Variants in CALB1 observed in about 807,000 individuals in gnomAD.
The protein encoded by CALB1 is calbindin 1, also known as calbindin.
In CALB1, 16 loss-of-function variants were observed where a neutral mutation model predicts 46.7. That is an observed-to-expected ratio of 0.34 (90% CI 0.23 to 0.52). The LOEUF is 0.52. Among genes scored for constraint, CALB1 ranks in the 20% least tolerant of loss-of-function variants. The pLI is 0.95. For synonymous variants in CALB1, 90 were observed against 112.8 expected, an observed-to-expected ratio of 0.80 and a Z score of 1.28; for missense variants, 224 against 300.3, an observed-to-expected ratio of 0.75 and a Z score of 1.88.
chr8:90,077,940 A>G (rs1563683471), intron 3 of CALB1, among the ~76,000 whole-genome samples: 1 of 152,090 alleles, frequency 6.6e-6, no homozygotes, highest in Non-Finnish European at 1.5e-5. Flanking sequence ...CAAACATTTT[A>G]TTTTATATTT....
intron 5 of CALB1, among the ~76,000 whole-genome samples, chr8:90,066,633 A>C (rs567601591): frequency 1.6e-4 from 24 of 152,172 alleles, no homozygotes; most frequent in African/African-American, 5.5e-4. Flanking sequence ...AATCATATTA[A>C]AATAGAGATT....
intron 10 of CALB1, 63 bp downstream of exon 10, chr8:90,060,566 G>T: frequency 1.6e-6 from 2 of 1,251,968 alleles, no homozygotes; most frequent in Non-Finnish European, 1.2e-6. Flanking sequence ...TGGATGTGCT[G>T]TTGGTTTTGG....
In CALB1 at chr8:90,060,620, C is replaced by T. The variant is rs1324424729; in HGVS notation, c.672+9G>A. The T allele has an allele frequency of 6.2e-7, 1 of 1,610,108 alleles. No individual in the cohort carries two copies. Among genetic ancestry groups the T allele is most frequent in the African/African-American group, 1.3e-5 (1 of 74,846 alleles). ...CTTAAAGAAGTAAGTGCCATGGTAA[C>T]TAAGTTACCTGTTTATTCTTCTCGC... On this transcript the variant is annotated intron_variant, in intron 10 of 10. Coordinates refer to ENST00000265431, the MANE Select transcript of CALB1 (RefSeq NM_004929.4).
intron 8 of CALB1, 43 bp from the exon 9 acceptor site, chr8:90,063,196 T>C: frequency 6.6e-7 from 1 of 1,512,682 alleles, no homozygotes; most frequent in South Asian, 1.1e-5. Flanking sequence ...GTTATTACTA[T>C]GTTTCAGTAT....
intron 3 of CALB1, among the ~76,000 whole-genome samples, chr8:90,073,366 A>C (rs1814567598): frequency 6.6e-6 from 1 of 152,042 alleles, no homozygotes; most frequent in African/African-American, 2.4e-5. Context: ...GTCCCCAAGG[A>C]GGTGGCATCC....
In CALB1 at chr8:90,063,289, T is replaced by C. The variant is rs1289268385; in HGVS notation, c.538A>G (p.Lys180Glu). 2 of 1,594,028 alleles carry C rather than the reference T, an allele frequency of 1.3e-6. No individual in the cohort carries two copies. Among genetic ancestry groups the C allele is most frequent in the African/African-American group, 2.7e-5 (2 of 74,390 alleles). ...LLPVQENFLL[K>E]FQGIKMCGKE... is the part of the protein sequence containing the mutation. ...AGTAAAAAGTTAAGTACCTGGAATTTAAGAAGAAAATTCTCCTGCACTGGT... is the reference window on the plus strand; with the variant it reads ...AGTAAAAAGTTAAGTACCTGGAATTCAAGAAGAAAATTCTCCTGCACTGGT... Residue 180 changes from lysine (K) to glutamate (E), a missense_variant, in exon 8 of 11, where the codon AAA (lysine) becomes GAA (glutamate). Lys to Glu is a moderately conservative substitution (Grantham distance 56). Coordinates refer to ENST00000265431, the MANE Select transcript of CALB1 (RefSeq NM_004929.4).
At chr8:90,062,122 A>G (rs1814312232) in intron 9 of CALB1, 1 of 152,118 alleles carries the variant, frequency 6.6e-6, no homozygotes, top group Non-Finnish European at 1.5e-5. Context: ...GTGTTAGGTA[A>G]ACTATACAGA....
chr8:90,081,464 CACA>C lies in CALB1; in HGVS notation c.156+559_156+561del, dbSNP rs1279895851. 4.1e-6 allele frequency: 4 copies of C among 984,670 alleles called. No individual in the cohort carries two copies. The East Asian group carries it at 3.4e-4, about 84-fold the overall frequency. 61.0% of individuals were successfully genotyped at this position (984,670 alleles called of 1,614,324 possible). On this transcript the variant is annotated intron_variant, in intron 2 of 10. Transcript: ENST00000265431. ...CTCATCTCCCCAACTACATCAACAT[CACA>C]ACAATAATAATTGGTGATAGAGTAA...
At chr8:90,064,158 A>C (rs1563674724) in intron 6 of CALB1, 1 of 151,810 alleles carries the variant, frequency 6.6e-6, no homozygotes, top group Non-Finnish European at 1.5e-5. Flanking sequence ...ATATGTGAAA[A>C]ATTAACATTA....
rs774827262 is a variant in CALB1 at position 90,082,042 on chromosome 8, C to T, written c.140G>A (p.Arg47Gln). 5.0e-6 allele frequency: 8 copies of T among 1,613,552 alleles called. No homozygotes were observed. In the Admixed American group the frequency reaches 1.2e-4, roughly 24 times the overall value. Residue 47 changes from arginine to glutamine, a missense_variant, in exon 2 of 11, where the codon CGA becomes CAA. By Grantham distance (43) the Arg-to-Gln change is conservative. Coordinates refer to ENST00000265431, the MANE Select transcript of CALB1 (RefSeq NM_004929.4). ...TGAACCTACCAATCCAGCCTTCTTT[C>T]GCGCCTGCTGGAGCTCCTGGATCAA... ...QNLIQELQQA[R>Q]KKAGLELSPE...
intron 3 of CALB1, among the ~76,000 whole-genome samples, chr8:90,069,749 CAAGAG>C (rs2130235565): frequency 6.6e-6 from 1 of 152,136 alleles, no homozygotes; most frequent in African/African-American, 2.4e-5. Flanking sequence ...CCATGAGATA[CAAGAG>C]AAGATAAACC....
At chr8:90,063,054 G>T in intron 9 of CALB1, 46 bp downstream of exon 9, 1 of 1,372,548 alleles carries the variant, frequency 7.3e-7, no homozygotes, top group Non-Finnish European at 1.0e-6. Flanking sequence ...CTTATGTTGT[G>T]TTCTTACTTC....
At position 90,078,367 on chromosome 8, in the gene CALB1, C is replaced by T. The variant is rs1586185055; in HGVS notation, c.231+6G>A. The T allele has an allele frequency of 6.5e-7, 1 of 1,541,962 alleles. No individual in the cohort carries two copies. On this transcript the variant is annotated splice_donor_region_variant and intron_variant, in intron 3 of 10. Transcript: ENST00000265431. ...ATTAAATCAGAAAAATGCATAAATTCCTTACCTCTACAATTCCTATTTTTC... is the reference window on the plus strand; with the variant it reads ...ATTAAATCAGAAAAATGCATAAATTTCTTACCTCTACAATTCCTATTTTTC...
Position 90,063,399 on chromosome 8 carries a change from A to C in CALB1, c.506+7T>G. The C allele has an allele frequency of 6.2e-7, 1 of 1,608,926 alleles. No homozygotes were observed. The highest frequency in any genetic ancestry group is 1.1e-5 in the South Asian group (1 of 90,650). On this transcript the variant is annotated splice_region_variant and intron_variant, in intron 7 of 10. Coordinates refer to ENST00000265431, the MANE Select transcript of CALB1 (RefSeq NM_004929.4). ...CTTACAATATTTTTCATGGTTCCTA[A>C]ACTCACCTGGCCATCTCAGTTAATT...
intron 3 of CALB1, among the ~76,000 whole-genome samples, chr8:90,072,265 A>T (rs1345933665): frequency 6.6e-6 from 1 of 152,246 alleles, no homozygotes; most frequent in Non-Finnish European, 1.5e-5. Context: ...AAGTTCATGT[A>T]ACTCACATAA....
At chr8:90,066,716 T>A (rs556613516) in intron 5 of CALB1, among the ~76,000 whole-genome samples, 10 of 152,094 alleles carry the variant, frequency 6.6e-5, no homozygotes, top group Non-Finnish European at 1.3e-4. Context: ...TAAGTTTTTT[T>A]AACAGAAACA....
At chr8:90,076,713 T>G (rs1814629123) in intron 3 of CALB1, among the ~76,000 whole-genome samples, 1 of 152,026 alleles carries the variant, frequency 6.6e-6, no homozygotes, top group African/African-American at 2.4e-5. Context: ...GGAAATTTCC[T>G]TCATTAAACC....
At chr8:90,073,987 A>G (rs1225613853) in intron 3 of CALB1, among the ~76,000 whole-genome samples, 2 of 152,146 alleles carry the variant, frequency 1.3e-5, no homozygotes, top group Non-Finnish European at 2.9e-5. Context: ...GTATGTTAAC[A>G]TTCTTGAACA....
intron 3 of CALB1, among the ~76,000 whole-genome samples, chr8:90,074,326 T>C (rs1484926757): frequency 6.6e-6 from 1 of 152,166 alleles, no homozygotes; most frequent in Non-Finnish European, 1.5e-5. Flanking sequence ...AACAACCTTA[T>C]GAAGTTAATA....
Sources: gnomAD v4.1 joint callset for allele counts (sites outside exome capture counted in the v4.1 genomes callset) on GRCh38, gnomAD v4.1.1 for gene constraint, MANE v1.5 for transcripts, NCBI Gene and HGNC (gene_info 2026-07-23, HGNC 2026-07-21) for gene names.